The following BOD1L1 variants were observed in gnomAD, a reference collection of about 807,000 sequenced individuals.
The protein encoded by BOD1L1 is biorientation of chromosomes in cell division 1 like 1.
Under a neutral mutation model 240.7 loss-of-function variants are expected in BOD1L1, and 86 were observed. The observed-to-expected ratio is 0.36, with a 90% CI of 0.30 to 0.43. The LOEUF is 0.43. Ranked by LOEUF, BOD1L1 falls within the 20% of genes least tolerant of loss-of-function variation. BOD1L1 has a pLI of 1.00. For missense variants in BOD1L1, 3,554 were observed against 3,643.5 expected, an observed-to-expected ratio of 0.98 and a Z score of 0.63; for synonymous variants, 1,268 against 1,272.3, an observed-to-expected ratio of 1.00 and a Z score of 0.07.
At chr4:13,596,138 G>GT (rs1343474621) in intron 11 of BOD1L1, among the ~76,000 whole-genome samples, 194 bp from the exon 12 acceptor site, 14 of 151,960 alleles carry the variant, frequency 9.2e-5, no homozygotes, top group Admixed American at 6.6e-4. Context: ...ATTTAATCTC[G>GT]TATTTCATCC....
Position 13,604,683 on chromosome 4 carries a change from C to T in BOD1L1, c.2217G>A (p.Leu739=), listed in dbSNP as rs114930187. The T allele has an allele frequency of 2.8e-5, 44 of 1,593,696 alleles. No individual in the cohort carries two copies. In the African/African-American group the frequency reaches 5.0e-4, roughly 18 times the overall value. ...EREKTPSEDK[L]SVKHKYKGDC... The stretch of plus-strand genomic sequence containing the variant: ...CACCTTTATATTTATGTTTCACAGA[C>T]AATTTGTCTTCCGATGGAGTTTTCT... The change falls in exon 10 of 26, where the codon TTG becomes TTA. Residue 739 remains leucine, a synonymous_variant. Coordinates refer to ENST00000040738, the MANE Select transcript of BOD1L1 (RefSeq NM_148894.3).
chr4:13,594,757 T>C (rs930664845), intron 12 of BOD1L1, among the ~76,000 whole-genome samples: 1 of 152,050 alleles, frequency 6.6e-6, no homozygotes, highest in Non-Finnish European at 1.5e-5. Flanking sequence ...TAGCTGGGCA[T>C]GGTGGTGTGT....
rs751609157 is a variant in BOD1L1 at position 13,590,397 on chromosome 4, T to C, written c.8198A>G (p.Tyr2733Cys). ...ATTCATTAACTTACCTCCTTTGTTA[T>C]AAGATTCGCTATGAATTTCTTCATT... The part of the protein sequence containing the change: ...RTNEEIHSES[Y>C]NKGEISSGRK... Residue 2733 changes from tyrosine to cysteine, a missense_variant, in exon 14 of 26, where the codon TAT (tyrosine) becomes TGT (cysteine). This residue lies in a region of BOD1L1 where 3,393 missense variants were observed against 3,427.1 expected (regional missense o/e 0.99). Coordinates refer to ENST00000040738, the MANE Select transcript of BOD1L1 (RefSeq NM_148894.3). 4 of 1,501,014 alleles carry C rather than the reference T, an allele frequency of 2.7e-6. No individual in the cohort carries two copies. The highest frequency in any genetic ancestry group is 3.7e-6 in the Non-Finnish European group (4 of 1,094,950). 93.0% of individuals were successfully genotyped at this position (1,501,014 alleles called of 1,614,324 possible).
chr4:13,621,879 T>G (rs1373111400), intron 1 of BOD1L1, among the ~76,000 whole-genome samples: 1 of 151,292 alleles, frequency 6.6e-6, no homozygotes, highest in South Asian at 2.1e-4. Context: ...TTTTTTTTTT[T>G]TTTTTGGCAG....
intron 6 of BOD1L1, among the ~76,000 whole-genome samples, chr4:13,610,431 T>G (rs1716066283): frequency 6.6e-6 from 1 of 152,242 alleles, no homozygotes; most frequent in Admixed American, 6.5e-5. Context: ...ATCCCTCATC[T>G]GAAAATCTTA....
At chr4:13,576,707 A>T (rs1309973266) in intron 25 of BOD1L1, 131 bp downstream of exon 25, 16 of 1,244,034 alleles carry the variant, frequency 1.3e-5, no homozygotes, top group Non-Finnish European at 1.5e-5. Context: ...TGCTAACAAT[A>T]AAAATGAAAG....
Position 13,570,066 on chromosome 4 carries a change from C to G in BOD1L1, c.9101G>C (p.Arg3034Pro). The stretch of plus-strand genomic sequence containing the variant: ...CTCCACCCTTTGCTGGCCTCTTGTT[C>G]GGGCCCCAGGAGGGCTGACTTCTCT... ...RKREVSPPGA[R>P]TRGQQRVEEA... The change falls in exon 26 of 26, where the codon CGA becomes CCA. Residue 3034 changes from arginine to proline, a missense_variant. By Grantham distance (103) the Arg-to-Pro change is moderately radical (BLOSUM62 -2). Coordinates refer to ENST00000040738, the MANE Select transcript of BOD1L1 (RefSeq NM_148894.3). 6.2e-7 allele frequency: 1 copy of G among 1,606,014 alleles called. No homozygotes were observed. Among genetic ancestry groups the G allele is most frequent in the African/African-American group, 1.3e-5 (1 of 74,480 alleles).
At chr4:13,611,688 G>A (rs906617852) in intron 5 of BOD1L1, among the ~76,000 whole-genome samples, 20 of 152,184 alleles carry the variant, frequency 1.3e-4, no homozygotes, top group African/African-American at 4.6e-4. Context: ...CTCCATCTGC[G>A]CCTCAGAGTT....
chr4:13,571,240 C>G (rs937436592), intron 25 of BOD1L1, among the ~76,000 whole-genome samples: 3 of 152,132 alleles, frequency 2.0e-5, no homozygotes, highest in African/African-American at 7.2e-5. Context: ...GTGCAATGCC[C>G]AACACATGGC....
intron 19 of BOD1L1, among the ~76,000 whole-genome samples, chr4:13,581,661 CTG>C (rs1221543780): frequency 4.6e-5 from 7 of 152,282 alleles, no homozygotes; most frequent in African/African-American, 1.7e-4. Flanking sequence ...AGTGCACAGG[CTG>C]TGTCTCTTGA....
At chr4:13,622,023 C>T (rs1267285260) in intron 1 of BOD1L1, among the ~76,000 whole-genome samples, 1 of 151,946 alleles carries the variant, frequency 6.6e-6, no homozygotes, top group Non-Finnish European at 1.5e-5. Context: ...CGCCACCACA[C>T]CTGGCTAATT....
Position 13,615,034 on chromosome 4 carries a change from G to A in BOD1L1, c.560-224C>T, listed in dbSNP as rs558867789. 7.9e-5 allele frequency among the ~76,000 whole-genome samples: 12 copies of A among 152,206 alleles called. No homozygotes were observed. In the South Asian group the frequency reaches 2.5e-3, roughly 32 times the overall value. ...CGAGGGCACCATGCAAATCTGAGGA[G>A]TTGTCTACTTCCTAGAAAAAGACTA... On this transcript the variant is annotated intron_variant, in intron 3 of 25. Coordinates refer to ENST00000040738, the MANE Select transcript of BOD1L1 (RefSeq NM_148894.3).
intron 21 of BOD1L1, 180 bp from the exon 22 acceptor site, chr4:13,580,153 T>C: frequency 1.8e-6 from 1 of 556,558 alleles, no homozygotes; most frequent in South Asian, 2.4e-5. Context: ...AGCTTCTAAA[T>C]ACAGACTTTC....
At chr4:13,610,633 T>C (rs986581512) in intron 6 of BOD1L1, among the ~76,000 whole-genome samples, 3 of 152,248 alleles carry the variant, frequency 2.0e-5, no homozygotes, top group African/African-American at 7.2e-5. Context: ...TAGACTTGCA[T>C]TCCATCCCTA....
chr4:13,594,948 T>C (rs1315913894), intron 12 of BOD1L1, among the ~76,000 whole-genome samples: 1 of 152,156 alleles, frequency 6.6e-6, no homozygotes, highest in African/African-American at 2.4e-5. Flanking sequence ...CAACCGTCTA[T>C]CTGTAATGTT....
At chr4:13,587,160 T>A (rs1713770266) in intron 16 of BOD1L1, among the ~76,000 whole-genome samples, 1 of 152,138 alleles carries the variant, frequency 6.6e-6, no homozygotes, top group Non-Finnish European at 1.5e-5. Flanking sequence ...ATAAAATAAT[T>A]AAAAAACAAT....
chr4:13,582,358 C>A (rs1355970326), intron 18 of BOD1L1, 48 bp from the exon 19 acceptor site: 3 of 1,454,392 alleles, frequency 2.1e-6, no homozygotes, highest in Non-Finnish European at 2.9e-6. Context: ...CATGGTCAGC[C>A]TTCCCCACCT....
rs1247577272 is a variant in BOD1L1 at position 13,601,654 on chromosome 4, G to A, written c.5246C>T (p.Pro1749Leu). The A allele has an allele frequency of 4.3e-6, 7 of 1,613,854 alleles. No individual in the cohort carries two copies. In the South Asian group the frequency reaches 5.5e-5, roughly 13 times the overall value. ...ACCTGTAACCATGCGTTCCTCCCGGGGCCCTGCTCCAGTTACTGAGCAGAT... is the reference window on the plus strand; with the variant it reads ...ACCTGTAACCATGCGTTCCTCCCGGAGCCCTGCTCCAGTTACTGAGCAGAT... The part of the protein sequence containing the change: ...FVICSVTGAG[P>L]REERMVTGAG... The change falls in exon 10 of 26, where the codon CCC (proline) becomes CTC (leucine). Residue 1749 changes from proline (P) to leucine (L), a missense_variant. Around this residue, in one of 2 missense-constraint regions of BOD1L1, gnomAD observed 3,393 missense variants for 3,427.1 expected, o/e 0.99. Transcript: ENST00000040738.
rs1354540662 is a variant in BOD1L1, at chr4:13,595,960, C to T, written c.8020-16G>A. 6.2e-7 allele frequency: 1 copy of T among 1,608,728 alleles called. No individual in the cohort carries two copies. The highest frequency in any genetic ancestry group is 1.7e-5 in the Admixed American group (1 of 59,286). On this transcript the variant is annotated splice_polypyrimidine_tract_variant and intron_variant, in intron 11 of 25. Transcript: ENST00000040738. The stretch of plus-strand genomic sequence containing the variant: ...GCACATAAGCCTAAAAAATCCAAAG[C>T]ACCATAAAAATAAGTTAACCAGGGT...
Sources: allele counts gnomAD v4.1 joint callset (sites outside exome capture counted in the v4.1 genomes callset), GRCh38; gene constraint gnomAD v4.1.1; regional missense constraint gnomAD v4.1.1; transcripts MANE v1.5; gene names NCBI Gene and HGNC (gene_info 2026-07-23, HGNC 2026-07-21).